Variants in UPK1B observed in about 807,000 individuals in gnomAD.
The protein encoded by UPK1B is uroplakin 1B.
In UPK1B, 28 loss-of-function variants were observed where a neutral mutation model predicts 34.2. The observed-to-expected ratio is 0.82, with a 90% CI of 0.61 to 1.12. The LOEUF (loss-of-function observed/expected upper bound fraction) is 1.12, where lower values mean the gene tolerates loss of function less well. Among genes scored for constraint, UPK1B ranks in the 50% most tolerant of loss-of-function variants. UPK1B has a pLI of 0.00. For missense variants in UPK1B, 325 were observed against 320.9 expected (o/e 1.01, Z -0.10); for synonymous variants, 81 against 110.4 (o/e 0.73, Z 1.67).
chr3:119,183,261 C>CTT (rs11455368), intron 1 of UPK1B, among the ~76,000 whole-genome samples: 1 of 129,766 alleles, frequency 7.7e-6, no homozygotes, highest in African/African-American at 2.7e-5. Context: ...CCAAGCTTCC[C>CTT]TTTTTTTTTG....
intron 1 of UPK1B, among the ~76,000 whole-genome samples, chr3:119,176,999 C>A (rs1576864806): frequency 6.6e-6 from 1 of 152,172 alleles, no homozygotes; most frequent in Admixed American, 6.5e-5. Context: ...CTTTCCTTCT[C>A]ATGGTGTCTT....
intron 1 of UPK1B, among the ~76,000 whole-genome samples, chr3:119,175,415 T>C (rs1163527342): frequency 2.0e-5 from 3 of 152,150 alleles, no homozygotes; most frequent in Non-Finnish European, 4.4e-5. Flanking sequence ...CTGGAATTTG[T>C]GCCTGATAGC....
intron 3 of UPK1B, among the ~76,000 whole-genome samples, chr3:119,190,033 C>T (rs2078037020): frequency 6.6e-6 from 1 of 152,172 alleles, no homozygotes; most frequent in Non-Finnish European, 1.5e-5. Flanking sequence ...GGTCTGTATT[C>T]AATGGCTATT....
intron 1 of UPK1B, among the ~76,000 whole-genome samples, chr3:119,185,556 CCTCAGGA>C (rs1372089585): frequency 2.0e-5 from 3 of 152,084 alleles, no homozygotes; most frequent in Non-Finnish European, 4.4e-5. Context: ...CGTCTTCCCG[CCTCAGGA>C]CTCTCACAAT....
chr3:119,201,061 C>T (rs1172377448), intron 7 of UPK1B, among the ~76,000 whole-genome samples: 2 of 151,712 alleles, frequency 1.3e-5, no homozygotes, highest in African/African-American at 4.8e-5. Context: ...TTTTTTACTG[C>T]AAGTGCGTAG....
chr3:119,199,616 T>C (rs1374850330), intron 7 of UPK1B, among the ~76,000 whole-genome samples: 1 of 152,242 alleles, frequency 6.6e-6, no homozygotes, highest in East Asian at 1.9e-4. Context: ...AGCAAGAGGT[T>C]GGAGCGGTGG....
intron 1 of UPK1B, among the ~76,000 whole-genome samples, chr3:119,184,592 G>A (rs78159877): frequency 0.047 from 7,032 of 150,728 alleles, 168 homozygotes; most frequent in East Asian, 0.071. Context: ...CAGGTGTGGC[G>A]GTGGGCACCT....
At chr3:119,184,842 T>C (rs1262268063) in intron 1 of UPK1B, among the ~76,000 whole-genome samples, 1 of 152,264 alleles carries the variant, frequency 6.6e-6, no homozygotes, top group Non-Finnish European at 1.5e-5. Context: ...TACTGATTTC[T>C]GCCCTTTCCT....
At chr3:119,194,889 G>A (rs116749422) in intron 6 of UPK1B, among the ~76,000 whole-genome samples, 1,564 of 152,314 alleles carry the variant, frequency 0.01, 22 homozygotes, top group African/African-American at 0.035. Flanking sequence ...TTGGATGGAA[G>A]GTAGTTTACA....
intron 5 of UPK1B, 30 bp downstream of exon 5, chr3:119,191,134 T>C: frequency 6.2e-7 from 1 of 1,611,302 alleles, no homozygotes. Context: ...GGAGATGCCA[T>C]TTTTACTTAC....
At chr3:119,186,040 T>C (rs2078016517) in intron 1 of UPK1B, among the ~76,000 whole-genome samples, 1 of 152,210 alleles carries the variant, frequency 6.6e-6, no homozygotes, top group South Asian at 2.1e-4. Flanking sequence ...TAAGCTTTAG[T>C]TTCCTCATCT....
At chr3:119,191,740 T>G (rs2078046082) in intron 5 of UPK1B, among the ~76,000 whole-genome samples, 2 of 152,290 alleles carry the variant, frequency 1.3e-5, no homozygotes, top group Non-Finnish European at 2.9e-5. Flanking sequence ...GAGTGCTACC[T>G]GCCCTTCATT....
At chr3:119,190,907 C>T (rs2078041047) in intron 4 of UPK1B, 75 bp from the exon 5 acceptor site, 6 of 1,579,712 alleles carry the variant, frequency 3.8e-6, no homozygotes. Context: ...CAGGAAAAGA[C>T]AGAGAAAAAT....
chr3:119,175,020 T>A (rs575932332), intron 1 of UPK1B, among the ~76,000 whole-genome samples: 26 of 18,236 alleles, frequency 1.4e-3, no homozygotes, highest in African/African-American at 3.7e-3. Flanking sequence ...TTCTTTTTTT[T>A]TTTTTTTTTT....
chr3:119,203,985 C>T lies in UPK1B; in HGVS notation c.*18C>T, dbSNP rs1174631684. ...AATATTAAGCATAAAGTGTTGCCAC[C>T]ATACCTCCTTCCCCGAGTGACTCTG... On this transcript the variant is annotated 3_prime_UTR_variant, in exon 8 of 8. Transcript: ENST00000264234. The T allele has an allele frequency of 8.1e-6, 13 of 1,613,308 alleles. No homozygotes were observed. In the Middle Eastern group the frequency reaches 6.6e-4, roughly 82 times the overall value.
chr3:119,188,782 C>T (rs2078031111), intron 3 of UPK1B, among the ~76,000 whole-genome samples: 2 of 152,230 alleles, frequency 1.3e-5, no homozygotes, highest in African/African-American at 2.4e-5. Context: ...CTCCAATCCC[C>T]CACCCCTGAA....
chr3:119,187,088 C>A (rs922547807), intron 2 of UPK1B, among the ~76,000 whole-genome samples: 2 of 152,194 alleles, frequency 1.3e-5, no homozygotes, highest in Non-Finnish European at 2.9e-5. Flanking sequence ...ACTCTGACTA[C>A]GAACACACTT....
chr3:119,194,416 C>T lies in UPK1B; in HGVS notation c.648+18C>T, dbSNP rs1431302656. On this transcript the variant is annotated intron_variant, in intron 6 of 7. Transcript: ENST00000264234. ...ACAATCAGGTGAGTCCTCTCTCCTCCCAAGACTTCCCAGGAGGTTCTGCTG... is the reference window on the plus strand; with the variant it reads ...ACAATCAGGTGAGTCCTCTCTCCTCTCAAGACTTCCCAGGAGGTTCTGCTG... The T allele has an allele frequency of 6.3e-7, 1 of 1,594,960 alleles. No homozygotes were observed. The highest frequency in any genetic ancestry group is 1.7e-5 in the Admixed American group (1 of 58,218).
intron 3 of UPK1B, among the ~76,000 whole-genome samples, chr3:119,189,344 AGAG>A (rs1455638634): frequency 2.0e-5 from 3 of 152,234 alleles, no homozygotes; most frequent in South Asian, 2.1e-4. Context: ...CCATACCCAA[AGAG>A]GAGGACAGTT....
Sources: gnomAD v4.1 joint callset for allele counts (sites outside exome capture counted in the v4.1 genomes callset) on GRCh38, gnomAD v4.1.1 for gene constraint, MANE v1.5 for transcripts, NCBI Gene and HGNC (gene_info 2026-07-23, HGNC 2026-07-21) for gene names.